CLEC12A: variants seen among roughly 807,000 people sequenced by gnomAD.
The protein encoded by CLEC12A is C-type lectin domain family 12 member A, also known as C-type lectin protein CLL-1.
A neutral mutation model predicts 26.5 loss-of-function variants in CLEC12A; 22 were observed. That is an observed-to-expected ratio of 0.83 (90% CI 0.59 to 1.19). The LOEUF (loss-of-function observed/expected upper bound fraction) is 1.19. Ranked by LOEUF, CLEC12A falls within the 50% of genes most tolerant of loss-of-function variation. The probability of loss-of-function intolerance (pLI) is 0.00; values close to 1 mark genes in which losing one functional copy is unlikely to be tolerated. For missense variants in CLEC12A, 353 were observed against 315.6 expected (o/e 1.12, Z -0.90); for synonymous variants, 119 against 101.9 (o/e 1.17, Z -1.01).
chr12:9,955,904 A>C (rs181415255), intron 1 of CLEC12A, among the ~76,000 whole-genome samples: 7 of 152,320 alleles, frequency 4.6e-5, no homozygotes, highest in East Asian at 1.9e-4. Context: ...TACTGGAGGA[A>C]AACGTTGCTT....
chr12:9,958,230 T>G (rs1011009640), intron 1 of CLEC12A, among the ~76,000 whole-genome samples: 8 of 152,258 alleles, frequency 5.3e-5, no homozygotes, highest in Non-Finnish European at 8.8e-5. Context: ...GTCTTTGGTT[T>G]TAAATGCTGC....
At chr12:9,954,205 T>TAAAAAAAAAA (rs35173002) in intron 1 of CLEC12A, among the ~76,000 whole-genome samples, 5 of 64,440 alleles carry the variant, frequency 7.8e-5, no homozygotes, top group African/African-American at 2.8e-4. Context: ...GAATTATCAA[T>TAAAAAAAAAA]AAAAAAAAAA....
chr12:9,993,154 G>A (rs781616867), intron 4 of CLEC12A: 1 of 1,609,982 alleles, frequency 6.2e-7, no homozygotes, highest in Admixed American at 1.7e-5. Context: ...TAAGGTAGTT[G>A]GTCCACCTTG....
At chr12:9,954,260 C>A (rs1490003667) in intron 1 of CLEC12A, among the ~76,000 whole-genome samples, 1 of 135,104 alleles carries the variant, frequency 7.4e-6, no homozygotes, top group Non-Finnish European at 1.6e-5. Flanking sequence ...GCGCAAGAAA[C>A]TGAGGTGGGC....
intron 1 of CLEC12A, 41 bp from the exon 2 acceptor site, chr12:9,978,925 A>G: frequency 7.4e-7 from 1 of 1,352,770 alleles, no homozygotes; most frequent in South Asian, 1.2e-5. Flanking sequence ...AATGAAAGTT[A>G]TACCATTTTT....
intron 1 of CLEC12A, among the ~76,000 whole-genome samples, chr12:9,953,680 T>A (rs1337919631): frequency 9.2e-4 from 134 of 145,470 alleles, no homozygotes; most frequent in African/African-American, 3.5e-3. Flanking sequence ...GGAGCCCCTC[T>A]GCCCGGCCAC....
rs141112803 is a variant in CLEC12A at position 9,959,665 on chromosome 12, C to T, written c.10+8309C>T. On this transcript the variant is annotated intron_variant, in intron 1 of 6. Transcript: ENST00000355690. ...GATGGACTCGGGGCAGGTAGTCATA[C>T]CACCTTGGAAATGATATGGAACAAA... 5.9e-3 allele frequency among the ~76,000 whole-genome samples: 892 copies of T among 152,088 alleles called. 6 individuals carry two copies. Among genetic ancestry groups the T allele is most frequent in the African/African-American group, 0.021 (870 of 41,466 alleles).
At chr12:9,962,113 G>A (rs1863838993) in intron 1 of CLEC12A, among the ~76,000 whole-genome samples, 1 of 152,198 alleles carries the variant, frequency 6.6e-6, no homozygotes, top group African/African-American at 2.4e-5. Flanking sequence ...CAGGCCTAAT[G>A]TAGTAATGGC....
intron 1 of CLEC12A, among the ~76,000 whole-genome samples, chr12:9,976,403 A>C (rs12298261): frequency 0.25 from 38,583 of 152,134 alleles, 5,588 homozygotes; most frequent in Middle Eastern, 0.31. Context: ...TATAGAGCCA[A>C]AGGAGATGAT....
chr12:9,968,654 G>A (rs892864225), upstream of CLEC12A, among the ~76,000 whole-genome samples: 3 of 152,156 alleles, frequency 2.0e-5, no homozygotes, highest in African/African-American at 4.8e-5. Context: ...ATATACACAG[G>A]CATATGATGG....
downstream of CLEC12A, chr12:9,998,327 G>A (rs773574599): frequency 3.1e-6 from 5 of 1,613,974 alleles, no homozygotes; most frequent in Admixed American, 6.7e-5. Context: ...CCCACGCACA[G>A]GATCAGCAGA....
At chr12:9,998,378 C>T (rs1182797530), downstream of CLEC12A, 8 of 1,609,500 alleles carry the variant, frequency 5.0e-6, no homozygotes, top group Non-Finnish European at 5.1e-6. Context: ...GATGCAGAGC[C>T]AACTGTAGGC....
At chr12:9,972,681 A>G (rs1198555275) in intron 1 of CLEC12A, among the ~76,000 whole-genome samples, 2 of 152,210 alleles carry the variant, frequency 1.3e-5, no homozygotes, top group African/African-American at 4.8e-5. Context: ...TAGCATTGCT[A>G]TAAACAGAAA....
chr12:9,978,843 C>T, intron 1 of CLEC12A, 123 bp from the exon 2 acceptor site: 1 of 677,450 alleles, frequency 1.5e-6, no homozygotes, highest in Non-Finnish European at 2.6e-6. Flanking sequence ...GCTAGCAAAT[C>T]CATTTCTTTC....
At chr12:9,960,910 C>A (rs1004002757) in intron 1 of CLEC12A, among the ~76,000 whole-genome samples, 1 of 152,172 alleles carries the variant, frequency 6.6e-6, no homozygotes, top group Admixed American at 6.5e-5. Context: ...TTTCCCCTGT[C>A]CACGTAGCAT....
exon 5 of CLEC12A, chr12:9,995,088 A>C (rs1417759925): frequency 2.5e-6 from 4 of 1,602,998 alleles, no homozygotes; most frequent in Non-Finnish European, 2.6e-6. Flanking sequence ...AGGGAATCTC[A>C]AGAATAAGAG....
At chr12:9,987,667 A>G (rs915820374), downstream of CLEC12A, among the ~76,000 whole-genome samples, 3 of 152,232 alleles carry the variant, frequency 2.0e-5, no homozygotes, top group South Asian at 2.1e-4. Context: ...ACATTTAGGT[A>G]AAGGGCTTAC....
At chr12:9,980,506 C>A in intron 3 of CLEC12A, 76 bp from the exon 4 acceptor site, 1 of 1,359,500 alleles carries the variant, frequency 7.4e-7, no homozygotes, top group Non-Finnish European at 1.0e-6. Flanking sequence ...ATCAATGTCA[C>A]ACAGAGAGGA....
chr12:9,960,400 C>T (rs1863809659), intron 1 of CLEC12A, among the ~76,000 whole-genome samples: 2 of 152,290 alleles, frequency 1.3e-5, no homozygotes, highest in South Asian at 4.1e-4. Flanking sequence ...GGATCCACTC[C>T]AAATTCTCTG....
Sources: allele counts gnomAD v4.1 joint callset (sites outside exome capture counted in the v4.1 genomes callset), GRCh38; gene constraint gnomAD v4.1.1; transcripts MANE v1.5; gene names NCBI Gene and HGNC (gene_info 2026-07-23, HGNC 2026-07-21).